The following DNAH5 variants were observed in gnomAD, a reference collection of about 807,000 sequenced individuals.
DNAH5 encodes axonemal beta dynein heavy chain 5.
Under a neutral mutation model 518.2 loss-of-function variants are expected in DNAH5, and 372 were observed. The ratio of observed to expected loss-of-function variants is 0.72; its 90% CI spans 0.66 to 0.78. The LOEUF is 0.78. Among genes scored for constraint, DNAH5 ranks in the 30% least tolerant of loss-of-function variants. The pLI, the probability that DNAH5 is intolerant of heterozygous loss-of-function variation, is 0.00. For synonymous variants in DNAH5, 2,039 were observed against 2,025.9 expected, an observed-to-expected ratio of 1.01 and a Z score of -0.17; for missense variants, 5,523 against 5,687.0, an observed-to-expected ratio of 0.97 and a Z score of 0.93.
intron 1 of DNAH5, among the ~76,000 whole-genome samples, chr5:14,011,146 T>C (rs1054034991): frequency 3.9e-5 from 6 of 152,126 alleles, no homozygotes; most frequent in Non-Finnish European, 7.3e-5. Flanking sequence ...CTGCACACCA[T>C]ACCCCTCCCT....
chr5:13,934,351 G>A (rs948065958), intron 1 of DNAH5, among the ~76,000 whole-genome samples: 2 of 152,162 alleles, frequency 1.3e-5, no homozygotes, highest in Admixed American at 1.3e-4. Context: ...CCACCCAGCA[G>A]AGCCCAGTCA....
At chr5:13,884,612 G>T (rs1032649936) in intron 19 of DNAH5, among the ~76,000 whole-genome samples, 1 of 152,332 alleles carries the variant, frequency 6.6e-6, no homozygotes, top group Middle Eastern at 3.4e-3. Context: ...CGGGGCGGGC[G>T]GATCACCTGA....
Position 13,901,413 on chromosome 5 carries a change from G to T in DNAH5, c.1891C>A (p.Arg631Ser). ...TGCTGAATCCTATGGAAGAGCTGGC[G>T]GGCCCACAAAATCTTTCCAGCGATG... is the stretch of plus-strand genomic sequence containing the variant. ...PPIAGKILWA[R>S]QLFHRIQQPM... The change falls in exon 14 of 79, where the codon CGC (arginine) becomes AGC (serine). Residue 631 changes from arginine to serine, a missense_variant. Physicochemically the swap from Arg to Ser is moderately radical, Grantham distance 110 (BLOSUM62 -1). Transcript: ENST00000265104. The T allele has an allele frequency of 6.2e-7, 1 of 1,614,068 alleles. No individual in the cohort carries two copies. The highest frequency in any genetic ancestry group is 8.5e-7 in the Non-Finnish European group (1 of 1,179,988).
intron 61 of DNAH5, among the ~76,000 whole-genome samples, chr5:13,755,774 A>T (rs953919916): frequency 6.6e-6 from 1 of 152,202 alleles, no homozygotes; most frequent in East Asian, 1.9e-4. Flanking sequence ...ATTAGAAAAA[A>T]AAAACTTTTT....
chr5:13,898,764 G>A (rs968316753), intron 15 of DNAH5: 26 of 396,058 alleles, frequency 6.6e-5, no homozygotes, highest in African/African-American at 1.0e-4. Context: ...GTATTGTCAC[G>A]TGATGTTAAC....
intron 18 of DNAH5, 125 bp from the exon 19 acceptor site, chr5:13,885,353 T>G (rs1052847859): frequency 8.3e-7 from 1 of 1,201,806 alleles, no homozygotes; most frequent in African/African-American, 1.5e-5. Flanking sequence ...CATGCAAGTT[T>G]AGTATCACTT....
chr5:13,867,713 C>T, intron 25 of DNAH5, 61 bp downstream of exon 25: 1 of 1,289,242 alleles, frequency 7.8e-7, no homozygotes, highest in Non-Finnish European at 1.1e-6. Context: ...TAGACAACTA[C>T]ATTTTGCATG....
In DNAH5 at chr5:13,900,048, C is replaced by T. The variant is rs530729464; in HGVS notation, c.2259+158G>A. 189 of 680,318 alleles carry T rather than the reference C, an allele frequency of 2.8e-4. 1 individual carries two copies. Among genetic ancestry groups the T allele is most frequent in the Non-Finnish European group, 4.0e-4 (160 of 400,378 alleles). 42.1% of individuals were successfully genotyped at this position (680,318 alleles called of 1,614,324 possible). A position where few individuals can be genotyped will look rare whatever the true frequency, so the allele number is the denominator to read the frequency against. On this transcript the variant is annotated intron_variant, in intron 15 of 78. Coordinates refer to ENST00000265104, the MANE Select transcript of DNAH5 (RefSeq NM_001369.3). Reference sequence around the variant, plus strand: ...CTGCAAGACCTGTAACGGCCTGGCCCCAGCCAACTCTGCAGCTGCACCCCA... The same window carrying T: ...CTGCAAGACCTGTAACGGCCTGGCCTCAGCCAACTCTGCAGCTGCACCCCA...
Position 13,690,949 on chromosome 5 carries a change from C to A in DNAH5, c.*1035G>T, listed in dbSNP as rs932494192. 1.3e-5 allele frequency: 2 copies of A among 152,170 alleles called. No homozygotes were observed. Among genetic ancestry groups the A allele is most frequent in the African/African-American group, 4.8e-5 (2 of 41,448 alleles). 9.4% of individuals were successfully genotyped at this position (152,170 alleles called of 1,614,324 possible). A position where few individuals can be genotyped will look rare whatever the true frequency, so the allele number is the denominator to read the frequency against. ...TATCTTGCCATCTAATCTTTGTCCA[C>A]ATGCAAATATATTTGCTGTTATAAT... On this transcript the variant is annotated 3_prime_UTR_variant, in exon 79 of 79. Transcript: ENST00000265104.
chr5:13,867,861 T>C lies in DNAH5; in HGVS notation c.3966A>G (p.Ser1322=), dbSNP rs775449337. 3.1e-6 allele frequency: 5 copies of C among 1,613,862 alleles called. No individual in the cohort carries two copies. Among genetic ancestry groups the C allele is most frequent in the Non-Finnish European group, 4.2e-6 (5 of 1,179,862 alleles). The change falls in exon 25 of 79, where the codon TCA becomes TCG. Residue 1322 remains serine (S), a synonymous_variant. Coordinates refer to ENST00000265104, the MANE Select transcript of DNAH5 (RefSeq NM_001369.3). Reference sequence around the variant, plus strand: ...GCTCTTTCTTGAAACTGGGCTGCAGTGAGACTAATTTATTCTGGACTTCGC... The same window carrying C: ...GCTCTTTCTTGAAACTGGGCTGCAGCGAGACTAATTTATTCTGGACTTCGC... The part of the protein sequence containing the change: ...RAGEVQNKLV[S]LQPSFKKELI...
At chr5:13,996,293 C>T (rs887457817) in intron 1 of DNAH5, among the ~76,000 whole-genome samples, 1 of 152,156 alleles carries the variant, frequency 6.6e-6, no homozygotes, top group Non-Finnish European at 1.5e-5. Context: ...AACACTTAAA[C>T]CACAGCATTC....
At chr5:13,869,834 A>C (rs1769817162) in intron 24 of DNAH5, among the ~76,000 whole-genome samples, 1 of 151,694 alleles carries the variant, frequency 6.6e-6, no homozygotes, top group Non-Finnish European at 1.5e-5. Flanking sequence ...TTGTTTTAAA[A>C]AAAAGGCTGT....
chr5:13,799,760 T>C (rs1407397259), intron 47 of DNAH5, among the ~76,000 whole-genome samples: 1 of 152,174 alleles, frequency 6.6e-6, no homozygotes, highest in Admixed American at 6.5e-5. Context: ...TTGGGAATAT[T>C]TGCATATACA....
chr5:13,845,311 TGTAGAGAGTAAGATAAAAA>T (rs1765831077), intron 31 of DNAH5, among the ~76,000 whole-genome samples: 2 of 56,190 alleles, frequency 3.6e-5, no homozygotes, highest in African/African-American at 1.9e-4. Flanking sequence ...AAAAACACTA[TGTAGAGAGTAAGATAAAAA>T]CACTATGTAG....
chr5:13,950,518 C>G (rs1488899100), intron 1 of DNAH5, among the ~76,000 whole-genome samples: 2 of 152,108 alleles, frequency 1.3e-5, no homozygotes, highest in African/African-American at 4.8e-5. Flanking sequence ...TCAGGTGATC[C>G]ACCCACCTCA....
chr5:13,975,942 G>A (rs185916044), intron 1 of DNAH5, among the ~76,000 whole-genome samples: 15 of 152,252 alleles, frequency 9.9e-5, no homozygotes, highest in East Asian at 7.7e-4. Context: ...AGGCCAAGGC[G>A]GGAAGACTGC....
chr5:13,824,109 A>G (rs1762585136), intron 39 of DNAH5, 90 bp downstream of exon 39: 1 of 1,304,768 alleles, frequency 7.7e-7, no homozygotes, highest in African/African-American at 1.5e-5. Context: ...TTAAATGAGC[A>G]TTTTAAATAA....
chr5:14,010,769 G>C (rs1447491403), intron 1 of DNAH5, among the ~76,000 whole-genome samples: 1 of 151,966 alleles, frequency 6.6e-6, no homozygotes, highest in African/African-American at 2.4e-5. Flanking sequence ...GGAGGAAAAC[G>C]CTGAAGTATT....
intron 1 of DNAH5, among the ~76,000 whole-genome samples, chr5:13,955,769 T>C (rs1432576342): frequency 6.6e-6 from 1 of 152,196 alleles, no homozygotes; most frequent in African/African-American, 2.4e-5. Context: ...CAAAAGTTTG[T>C]CCTACGGAAG....
Sources: allele counts gnomAD v4.1 joint callset (sites outside exome capture counted in the v4.1 genomes callset), GRCh38; gene constraint gnomAD v4.1.1; transcripts MANE v1.5; gene names NCBI Gene and HGNC (gene_info 2026-07-23, HGNC 2026-07-21).